CPNE5: variants seen among roughly 807,000 people sequenced by gnomAD.
The protein encoded by CPNE5 is copine 5, also known as copine-5.
CPNE5 carries 42 observed loss-of-function variants against 81.1 expected under a neutral mutation model. The ratio of observed to expected loss-of-function variants is 0.52; its 90% CI spans 0.40 to 0.67. The LOEUF is 0.67. CPNE5 is among the 30% of genes least tolerant of loss of function. The pLI is 0.00. For synonymous variants in CPNE5, 313 were observed against 321.5 expected (o/e 0.97, Z 0.28); for missense variants, 612 against 815.5 (o/e 0.75, Z 3.04).
intron 8 of CPNE5, among the ~76,000 whole-genome samples, chr6:36,782,229 G>A (rs996929634): frequency 6.6e-6 from 1 of 152,134 alleles, no homozygotes; most frequent in Admixed American, 6.5e-5. Flanking sequence ...TCGCCTGAGT[G>A]ACATTCTTAC....
chr6:36,814,055 T>A (rs1319488362), intron 3 of CPNE5, among the ~76,000 whole-genome samples: 1 of 152,230 alleles, frequency 6.6e-6, no homozygotes. Context: ...AGAGCTGGTA[T>A]GAAAACCCAG....
intron 1 of CPNE5, among the ~76,000 whole-genome samples, chr6:36,824,764 T>A (rs575227226): frequency 1.3e-5 from 2 of 152,216 alleles, no homozygotes; most frequent in African/African-American, 4.8e-5. Flanking sequence ...CTGGCCAACA[T>A]GGTGAAACCC....
At chr6:36,818,727 T>A (rs1771780911) in intron 3 of CPNE5, among the ~76,000 whole-genome samples, 1 of 152,162 alleles carries the variant, frequency 6.6e-6, no homozygotes, top group South Asian at 2.1e-4. Context: ...ACAGGTGTAT[T>A]CCACACCAAG....
intron 8 of CPNE5, among the ~76,000 whole-genome samples, chr6:36,781,511 C>T (rs373585366): frequency 6.6e-6 from 1 of 152,206 alleles, no homozygotes; most frequent in South Asian, 2.1e-4. Flanking sequence ...AGTTTTCACT[C>T]TTATCCCTCC....
intron 3 of CPNE5, among the ~76,000 whole-genome samples, chr6:36,805,581 G>A (rs1157270737): frequency 6.6e-6 from 1 of 152,228 alleles, no homozygotes; most frequent in African/African-American, 2.4e-5. Flanking sequence ...GTGCACTGGG[G>A]AGGCTGAGGG....
chr6:36,801,377 C>A (rs951450314), intron 3 of CPNE5, among the ~76,000 whole-genome samples: 2 of 152,126 alleles, frequency 1.3e-5, no homozygotes, highest in Non-Finnish European at 2.9e-5. Context: ...GGTCTGGGGA[C>A]TCCACTTTGA....
intron 3 of CPNE5, among the ~76,000 whole-genome samples, chr6:36,805,619 CAG>C (rs925873734): frequency 6.6e-6 from 1 of 152,108 alleles, no homozygotes; most frequent in African/African-American, 2.4e-5. Context: ...GGCTGAGTGA[CAG>C]GGGAGGTGAC....
intron 20 of CPNE5, chr6:36,742,975 G>C: frequency 1.0e-6 from 1 of 985,368 alleles, no homozygotes; most frequent in Non-Finnish European, 1.2e-6. Flanking sequence ...TCCATCCTGA[G>C]CGCCTCTTCT....
intron 3 of CPNE5, among the ~76,000 whole-genome samples, chr6:36,809,802 G>C (rs560601577): frequency 3.5e-4 from 53 of 151,756 alleles, no homozygotes; most frequent in African/African-American, 1.2e-3. Context: ...GGCTCCCAGC[G>C]CTGAGTGGAG....
chr6:36,800,035 A>T lies in CPNE5; in HGVS notation c.219T>A (p.Asn73Lys). Residue 73 changes from asparagine (N) to lysine (K), a missense_variant, in exon 4 of 21, where the codon AAT (asparagine) becomes AAA (lysine). Transcript: ENST00000244751. ...GRTEVIDNTL[N>K]PDFVRKFIVD... ...CAATGAACTTGCGCACGAAGTCAGG[A>T]TTGAGCGTGTTGTCGATGACTTCGG... is the stretch of plus-strand genomic sequence containing the variant. The T allele has an allele frequency of 6.2e-7, 1 of 1,614,012 alleles. No individual in the cohort carries two copies. Among genetic ancestry groups the T allele is most frequent in the Non-Finnish European group, 8.5e-7 (1 of 1,179,998 alleles).
chr6:36,816,314 T>A (rs1771538703), intron 3 of CPNE5, among the ~76,000 whole-genome samples: 1 of 152,190 alleles, frequency 6.6e-6, no homozygotes, highest in South Asian at 2.1e-4. Context: ...ACATCTTGAG[T>A]CAATTTTCAT....
chr6:36,748,083 C>T, intron 15 of CPNE5, 138 bp downstream of exon 15: 1 of 807,178 alleles, frequency 1.2e-6, no homozygotes, highest in Non-Finnish European at 2.2e-6. Flanking sequence ...ATCTTTGGTC[C>T]TCCAGACCTA....
intron 8 of CPNE5, among the ~76,000 whole-genome samples, chr6:36,783,246 G>A (rs575636898): frequency 1.9e-3 from 295 of 152,136 alleles, no homozygotes; most frequent in African/African-American, 6.6e-3. Context: ...AGGAAGGAGA[G>A]GATCAGGAAA....
chr6:36,836,814 A>G (rs1773550510), intron 1 of CPNE5, among the ~76,000 whole-genome samples: 3 of 151,874 alleles, frequency 2.0e-5, no homozygotes, highest in African/African-American at 7.3e-5. Flanking sequence ...AGAGAGATGC[A>G]TCTACAATTT....
chr6:36,780,594 T>A (rs950393512), intron 8 of CPNE5, among the ~76,000 whole-genome samples: 3 of 152,214 alleles, frequency 2.0e-5, no homozygotes, highest in Non-Finnish European at 1.5e-5. Context: ...CAGCGCTGTG[T>A]GCGTGTGAGC....
At chr6:36,827,372 G>T (rs1561827039) in intron 1 of CPNE5, 1 of 985,336 alleles carries the variant, frequency 1.0e-6, no homozygotes, top group Non-Finnish European at 1.2e-6. Context: ...AATGGGCCTC[G>T]CACTTCTGGG....
intron 3 of CPNE5, among the ~76,000 whole-genome samples, chr6:36,807,381 T>C (rs1770689711): frequency 2.0e-5 from 3 of 152,202 alleles, no homozygotes; most frequent in Admixed American, 2.0e-4. Context: ...TTTATCTACA[T>C]GTTATGGGAT....
chr6:36,786,502 C>T (rs1224788312), intron 8 of CPNE5, among the ~76,000 whole-genome samples: 2 of 152,186 alleles, frequency 1.3e-5, no homozygotes, highest in African/African-American at 4.8e-5. Context: ...CTGAAAACCC[C>T]AGACTGACCG....
At chr6:36,761,775 A>G (rs1766045802) in intron 12 of CPNE5, among the ~76,000 whole-genome samples, 1 of 152,248 alleles carries the variant, frequency 6.6e-6, no homozygotes, top group Admixed American at 6.5e-5. Flanking sequence ...TAAGTGGTAG[A>G]GTCAGGATAC....
Sources: allele counts gnomAD v4.1 joint callset (sites outside exome capture counted in the v4.1 genomes callset), GRCh38; gene constraint gnomAD v4.1.1; transcripts MANE v1.5; gene names NCBI Gene and HGNC (gene_info 2026-07-23, HGNC 2026-07-21).